Variants in LDLRAD3 observed in about 807,000 individuals in gnomAD.
The protein encoded by LDLRAD3 is low density lipoprotein receptor class A domain containing 3.
A neutral mutation model predicts 29.4 loss-of-function variants in LDLRAD3; 20 were observed. The ratio of observed to expected loss-of-function variants is 0.68; its 90% CI spans 0.48 to 0.99. LDLRAD3 has a LOEUF of 0.99. LDLRAD3 is among the 50% of genes least tolerant of loss of function. LDLRAD3 has a pLI of 0.00. For missense variants in LDLRAD3, 420 were observed against 454.3 expected, an observed-to-expected ratio of 0.92 and a Z score of 0.69; for synonymous variants, 157 against 192.7, an observed-to-expected ratio of 0.81 and a Z score of 1.53.
chr11:36,086,656 T>C (rs61878977), intron 3 of LDLRAD3, among the ~76,000 whole-genome samples: 1,838 of 152,338 alleles, frequency 0.012, 13 homozygotes, highest in Admixed American at 0.019. Context: ...CTCCTTTCTC[T>C]TCTTAGTGTC....
chr11:36,199,067 A>G (rs1452227380), intron 4 of LDLRAD3, among the ~76,000 whole-genome samples: 1 of 151,900 alleles, frequency 6.6e-6, no homozygotes, highest in African/African-American at 2.4e-5. Context: ...CGCCCGGCTA[A>G]TTTTTTATAT....
At chr11:36,123,155 C>T (rs946311365) in intron 4 of LDLRAD3, among the ~76,000 whole-genome samples, 2 of 152,108 alleles carry the variant, frequency 1.3e-5, no homozygotes, top group Admixed American at 6.5e-5. Context: ...CCACTGCATT[C>T]CAGCCTGGGC....
At chr11:36,143,541 GA>G (rs918887396) in intron 4 of LDLRAD3, among the ~76,000 whole-genome samples, 4 of 152,324 alleles carry the variant, frequency 2.6e-5, no homozygotes, top group East Asian at 1.9e-4. Context: ...CTTCCTGTTT[GA>G]GCCCAGGGAG....
At chr11:36,049,269 T>G (rs1200214234) in intron 2 of LDLRAD3, among the ~76,000 whole-genome samples, 2 of 152,220 alleles carry the variant, frequency 1.3e-5, no homozygotes, top group Admixed American at 1.3e-4. Flanking sequence ...AGTTAGGGTG[T>G]GCAGTCTTTA....
intron 4 of LDLRAD3, among the ~76,000 whole-genome samples, chr11:36,117,182 A>C (rs1853688006): frequency 6.6e-6 from 1 of 152,036 alleles, no homozygotes; most frequent in Non-Finnish European, 1.5e-5. Context: ...TTTAGAGCAA[A>C]AGTTGTGAGG....
chr11:35,950,209 T>C (rs542477165), intron 1 of LDLRAD3, among the ~76,000 whole-genome samples: 1 of 151,672 alleles, frequency 6.6e-6, no homozygotes, highest in Admixed American at 6.6e-5. Context: ...AGACAGGAGT[T>C]GTACTGATGG....
At chr11:36,032,892 T>TA in intron 1 of LDLRAD3, among the ~76,000 whole-genome samples, 1 of 152,070 alleles carries the variant, frequency 6.6e-6, no homozygotes, top group East Asian at 1.9e-4. Context: ...TTTTTTTTTT[T>TA]AGACAGAGTT....
intron 4 of LDLRAD3, among the ~76,000 whole-genome samples, chr11:36,156,448 C>T (rs1854352494): frequency 6.6e-6 from 1 of 152,212 alleles, no homozygotes; most frequent in Non-Finnish European, 1.5e-5. Context: ...TCAGGTCCAC[C>T]CATTTGCCAT....
intron 4 of LDLRAD3, among the ~76,000 whole-genome samples, chr11:36,168,738 T>A (rs759037788): frequency 6.6e-6 from 1 of 151,962 alleles, no homozygotes; most frequent in Non-Finnish European, 1.5e-5. Flanking sequence ...AGCCAGGGAG[T>A]ATCGACCAAA....
chr11:36,156,471 C>A (rs1257798582), intron 4 of LDLRAD3, among the ~76,000 whole-genome samples: 4 of 152,214 alleles, frequency 2.6e-5, no homozygotes, highest in Non-Finnish European at 5.9e-5. Flanking sequence ...TTAGCATGAG[C>A]TGAAAGAAGT....
intron 1 of LDLRAD3, chr11:35,972,486 T>C (rs1309876615): frequency 1.3e-5 from 2 of 152,086 alleles, no homozygotes; most frequent in Non-Finnish European, 2.9e-5. Context: ...GAATTTCTCA[T>C]CCCTGCTGCT....
At chr11:36,042,902 T>C (rs1242531496) in intron 2 of LDLRAD3, among the ~76,000 whole-genome samples, 1 of 152,162 alleles carries the variant, frequency 6.6e-6, no homozygotes, top group Non-Finnish European at 1.5e-5. Context: ...CTCCTGGCCA[T>C]CAGAACTGTG....
intron 2 of LDLRAD3, among the ~76,000 whole-genome samples, chr11:36,068,696 T>A (rs891749593): frequency 1.3e-5 from 2 of 152,134 alleles, no homozygotes; most frequent in African/African-American, 4.8e-5. Context: ...TTTTGTATTT[T>A]TAGTAGAGAT....
intron 1 of LDLRAD3, among the ~76,000 whole-genome samples, chr11:35,948,494 A>G (rs989638578): frequency 6.6e-6 from 1 of 151,478 alleles, no homozygotes; most frequent in Non-Finnish European, 1.5e-5. Flanking sequence ...GTGCATATGT[A>G]TGTAACTGCC....
At chr11:36,031,076 TA>T (rs1852229656) in intron 1 of LDLRAD3, among the ~76,000 whole-genome samples, 1 of 149,900 alleles carries the variant, frequency 6.7e-6, no homozygotes, top group African/African-American at 2.5e-5. Flanking sequence ...ATGGGACTTG[TA>T]ATTTTTTTTT....
chr11:36,106,820 G>T (rs2422215), intron 4 of LDLRAD3, among the ~76,000 whole-genome samples: 12,731 of 152,266 alleles, frequency 0.084, 961 homozygotes, highest in East Asian at 0.37. Context: ...TCCCTCTGCT[G>T]TGTGACCTGG....
chr11:35,992,261 G>A (rs936331074), intron 1 of LDLRAD3, among the ~76,000 whole-genome samples: 1 of 152,060 alleles, frequency 6.6e-6, no homozygotes, highest in Admixed American at 6.6e-5. Context: ...CCAAAGTCAA[G>A]GTCCATGAGT....
At chr11:35,986,368 C>T (rs913790299) in intron 1 of LDLRAD3, among the ~76,000 whole-genome samples, 1 of 152,088 alleles carries the variant, frequency 6.6e-6, no homozygotes, top group South Asian at 2.1e-4. Context: ...TTCTCTCTAC[C>T]AGAATATTGT....
At chr11:36,128,117 CATATATAT>C (rs57687795) in intron 4 of LDLRAD3, among the ~76,000 whole-genome samples, 2 of 98,954 alleles carry the variant, frequency 2.0e-5, no homozygotes, top group African/African-American at 3.3e-5. Context: ...GTTGTTTTTA[CATATATAT>C]ATATATATAT....
Sources: allele counts gnomAD v4.1 joint callset (sites outside exome capture counted in the v4.1 genomes callset), GRCh38; gene constraint gnomAD v4.1.1; transcripts MANE v1.5; gene names NCBI Gene and HGNC (gene_info 2026-07-23, HGNC 2026-07-21).